The following ACSL1 variants were observed in gnomAD, a reference collection of about 807,000 sequenced individuals.
ACSL1 encodes the protein long-chain-fatty-acid--CoA ligase 1.
A neutral mutation model predicts 98.4 loss-of-function variants in ACSL1; 41 were observed. The ratio of observed to expected loss-of-function variants is 0.42; its 90% confidence interval spans 0.32 to 0.54. The LOEUF is 0.54. Among genes scored for constraint, ACSL1 ranks in the 20% least tolerant of loss-of-function variants. The pLI, the probability that ACSL1 is intolerant of heterozygous loss-of-function variation, is 0.13. For synonymous variants in ACSL1, 316 were observed against 322.7 expected (o/e 0.98, Z 0.22); for missense variants, 734 against 883.1 (o/e 0.83, Z 2.14).
At chr4:184,809,763 T>C (rs550530009) in intron 1 of ACSL1, among the ~76,000 whole-genome samples, 2 of 152,124 alleles carry the variant, frequency 1.3e-5, no homozygotes, top group Non-Finnish European at 2.9e-5. Context: ...GCCACTGCAC[T>C]CCAGCCTGGG....
At chr4:184,779,319 T>A (rs995597479) in intron 5 of ACSL1, among the ~76,000 whole-genome samples, 1 of 152,202 alleles carries the variant, frequency 6.6e-6, no homozygotes, top group Admixed American at 6.5e-5. Flanking sequence ...CTTTTGCTTC[T>A]TCCGCATTTT....
chr4:184,776,373 C>T, intron 7 of ACSL1, 111 bp downstream of exon 7: 39 of 1,256,666 alleles, frequency 3.1e-5, no homozygotes, highest in Non-Finnish European at 4.3e-5. Context: ...GCGGAGGCAA[C>T]CGGCCAGCGC....
In ACSL1 at chr4:184,803,624, G is replaced by T; in HGVS notation, c.-32-78C>A. The T allele has an allele frequency of 9.6e-7, 1 of 1,045,570 alleles. No homozygotes were observed. The allele number at this position is 1,045,570 out of a possible 1,614,324, so 64.8% of individuals were successfully genotyped here. Reference sequence around the variant, plus strand: ...CAGAACTCCAAAATTCCACCGGCCAGCCATCTAATTGGGTAGCTGCTCGGC... The same window carrying T: ...CAGAACTCCAAAATTCCACCGGCCATCCATCTAATTGGGTAGCTGCTCGGC... On this transcript the variant is annotated intron_variant, in intron 1 of 20. Coordinates refer to ENST00000281455, the MANE Select transcript of ACSL1 (RefSeq NM_001995.5). The surrounding 1 kb of genome is among the most constrained non-coding windows in gnomAD (Gnocchi z 4.8).
chr4:184,784,784 T>C (rs1401774451), intron 3 of ACSL1, among the ~76,000 whole-genome samples: 1 of 152,166 alleles, frequency 6.6e-6, no homozygotes, highest in Non-Finnish European at 1.5e-5. Context: ...GTGCTGCACA[T>C]GCAGATTCAG....
intron 4 of ACSL1, among the ~76,000 whole-genome samples, chr4:184,783,393 C>G (rs2150358326): frequency 6.6e-6 from 1 of 152,286 alleles, no homozygotes; most frequent in South Asian, 2.1e-4. Context: ...AAGTGTCACA[C>G]AGGTGGTGAG....
upstream of ACSL1, chr4:184,826,531 T>A (rs561050484): frequency 2.0e-5 from 3 of 152,496 alleles, no homozygotes; most frequent in East Asian, 1.9e-4. Flanking sequence ...AGACCTTTTC[T>A]GTCTGGTGTC....
At chr4:184,762,667 C>T in intron 16 of ACSL1, 144 bp from the exon 17 acceptor site, 3 of 716,694 alleles carry the variant, frequency 4.2e-6, no homozygotes, top group Non-Finnish European at 7.2e-6. Context: ...GTTACCAGAG[C>T]CCCACCAGGG....
chr4:184,776,616 G>C lies in ACSL1; in HGVS notation c.624C>G (p.Leu208=). The change falls in exon 7 of 21, where the codon CTC becomes CTG. Residue 208 remains leucine, a synonymous_variant. Coordinates refer to ENST00000281455, the MANE Select transcript of ACSL1 (RefSeq NM_001995.5). ...VFVDKPEKAK[L]LLEGVENKLI... ...ACTTATTTTCTACACCCTCTAATAA[G>C]AGTTTGGCCTTCTCTGGCTTGTCAA... 2 of 1,613,700 alleles carry C rather than the reference G, an allele frequency of 1.2e-6. No individual in the cohort carries two copies. The highest frequency in any genetic ancestry group is 2.2e-5 in the East Asian group (1 of 44,890).
intron 1 of ACSL1, chr4:184,821,206 C>T (rs750289181): frequency 4.6e-6 from 2 of 436,538 alleles, no homozygotes; most frequent in Non-Finnish European, 9.3e-6. Flanking sequence ...TCAGCTACCA[C>T]AGCCCTGCTT....
chr4:184,793,837 T>C (rs1768861681), intron 2 of ACSL1, among the ~76,000 whole-genome samples: 1 of 152,206 alleles, frequency 6.6e-6, no homozygotes, highest in Admixed American at 6.5e-5. Context: ...TTCCTTCTAA[T>C]ACCTAACATG....
chr4:184,784,006 A>G lies in ACSL1; in HGVS notation c.311-15T>C. ...AGGGCCATTATCTAAAAAAAGAGAA[A>G]AAACAACAGATGGGCTGAACGTACA... On this transcript the variant is annotated splice_polypyrimidine_tract_variant and intron_variant, in intron 3 of 20. Transcript: ENST00000281455. The G allele has an allele frequency of 6.2e-7, 1 of 1,604,850 alleles. No individual in the cohort carries two copies. The highest frequency in any genetic ancestry group is 8.5e-7 in the Non-Finnish European group (1 of 1,172,210).
At chr4:184,781,863 G>A (rs535571643) in intron 4 of ACSL1, among the ~76,000 whole-genome samples, 7 of 152,268 alleles carry the variant, frequency 4.6e-5, no homozygotes, top group African/African-American at 9.6e-5. Context: ...TGCCCCCGTC[G>A]GCCTCCCAAA....
rs371760763 is a variant in ACSL1 at position 184,773,806 on chromosome 4, A to G, written c.789+37T>C. On this transcript the variant is annotated intron_variant, in intron 8 of 20. Coordinates refer to ENST00000281455, the MANE Select transcript of ACSL1 (RefSeq NM_001995.5). This position sits in a 1 kb window ranked among gnomAD's most constrained non-coding sequence, Gnocchi z 4.3. ...TACCAGGCTAGATATTGAAAACTAC[A>G]AAGAGGACAGAGCAGGGTCTGACAC... is the stretch of plus-strand genomic sequence containing the variant. 3 of 1,613,848 alleles carry G rather than the reference A, an allele frequency of 1.9e-6. No homozygotes were observed. The highest frequency in any genetic ancestry group is 1.7e-6 in the Non-Finnish European group (2 of 1,179,876).
intron 4 of ACSL1, among the ~76,000 whole-genome samples, chr4:184,781,032 C>A (rs1051480129): frequency 2.6e-5 from 4 of 151,716 alleles, no homozygotes; most frequent in African/African-American, 9.7e-5. Context: ...TGAGGGAGTT[C>A]GAGGCCAGCC....
chr4:184,826,006 T>TGGC (rs1554026970), upstream of ACSL1: 20 of 147,188 alleles, frequency 1.4e-4, no homozygotes, highest in African/African-American at 4.9e-4. Context: ...AAGGCGCCGC[T>TGGC]GGCGCCGCCG....
At chr4:184,817,772 G>A (rs376056654) in intron 1 of ACSL1, among the ~76,000 whole-genome samples, 4 of 152,240 alleles carry the variant, frequency 2.6e-5, no homozygotes, top group East Asian at 3.9e-4. Flanking sequence ...GGTGACCGTC[G>A]CCTGGCCTGC....
chr4:184,764,986 G>A (rs1763372394), intron 14 of ACSL1, 61 bp from the exon 15 acceptor site: 1 of 1,529,742 alleles, frequency 6.5e-7, no homozygotes, highest in Non-Finnish European at 8.9e-7. Flanking sequence ...TACTGGAAGT[G>A]CACAAGCAAT....
rs771919273 is a variant in ACSL1 at position 184,803,371 on chromosome 4, G to A, written c.144C>T (p.Pro48=). ...ALTTFWYATR[P]KPLKPPCDLS... ...GGTCGCATGGCGGCTTCAGGGGTTT[G>A]GGTCTCGTGGCGTACCAGAAGGTGG... The change falls in exon 2 of 21, where the codon CCC becomes CCT. Residue 48 remains proline, a synonymous_variant. Coordinates refer to ENST00000281455, the MANE Select transcript of ACSL1 (RefSeq NM_001995.5). This position sits in a 1 kb window ranked among gnomAD's most constrained non-coding sequence, Gnocchi z 4.8. 1.2e-6 allele frequency: 2 copies of A among 1,612,956 alleles called. No individual in the cohort carries two copies. The highest frequency in any genetic ancestry group is 1.7e-6 in the Non-Finnish European group (2 of 1,179,434).
At chr4:184,800,328 T>C (rs1027104087) in intron 2 of ACSL1, among the ~76,000 whole-genome samples, 1 of 152,160 alleles carries the variant, frequency 6.6e-6, no homozygotes, top group African/African-American at 2.4e-5. Context: ...TTTTCCCTGG[T>C]CCCTTTCCGC....
Sources: gnomAD v4.1 joint callset for allele counts (sites outside exome capture counted in the v4.1 genomes callset) on GRCh38, gnomAD v4.1.1 for gene constraint, Gnocchi (gnomAD v3.1) non-coding constraint, MANE v1.5 for transcripts, NCBI Gene and HGNC (gene_info 2026-07-23, HGNC 2026-07-21) for gene names.